NRG1: variants seen among roughly 807,000 people sequenced by gnomAD.
NRG1 encodes the protein pro-neuregulin-1, membrane-bound isoform.
In NRG1, 18 loss-of-function variants were observed where a neutral mutation model predicts 63.8. The observed-to-expected ratio is 0.28, with a 90% CI of 0.19 to 0.42. The LOEUF (loss-of-function observed/expected upper bound fraction) is 0.42. Among genes scored for constraint, NRG1 ranks in the 10% least tolerant of loss-of-function variants. The probability of loss-of-function intolerance (pLI) is 1.00; values close to 1 mark genes in which losing one functional copy is unlikely to be tolerated. For synonymous variants in NRG1, 302 were observed against 301.3 expected, an observed-to-expected ratio of 1.00 and a Z score of -0.02; for missense variants, 762 against 814.7, an observed-to-expected ratio of 0.94 and a Z score of 0.79.
At chr8:31,964,776 G>A (rs1019961353) in intron 1 of NRG1, among the ~76,000 whole-genome samples, 4 of 152,136 alleles carry the variant, frequency 2.6e-5, no homozygotes, top group Non-Finnish European at 5.9e-5. Context: ...TGCAAGCTAC[G>A]AGTTCGTTTT....
chr8:31,964,285 A>C lies in NRG1; in HGVS notation c.37+324854A>C, dbSNP rs16878575. On this transcript the variant is annotated intron_variant, in intron 1 of 10. Transcript: ENST00000519301. ...GGCTCCTATATCATAGAAGTCTAGGAAGATACAAGCAAGTGCTGTCATAGA... is the reference window on the plus strand; with the variant it reads ...GGCTCCTATATCATAGAAGTCTAGGCAGATACAAGCAAGTGCTGTCATAGA... Among the ~76,000 whole-genome samples the C allele has an allele frequency of 1.2e-3, 190 of 152,330 alleles. 1 individual carries two copies. The highest frequency in any genetic ancestry group is 4.1e-3 in the African/African-American group (172 of 41,580).
intron 11 of NRG1, 68 bp from the exon 12 acceptor site, chr8:32,763,680 C>A: frequency 7.0e-7 from 1 of 1,427,186 alleles, no homozygotes; most frequent in Non-Finnish European, 9.5e-7. Flanking sequence ...GAACTCTGTC[C>A]CCTTACCTTC....
At chr8:31,814,673 T>A (rs1010483241) in intron 1 of NRG1, among the ~76,000 whole-genome samples, 3 of 148,660 alleles carry the variant, frequency 2.0e-5, no homozygotes, top group African/African-American at 7.3e-5. Flanking sequence ...TTAAATAATT[T>A]AAAATTAAAT....
chr8:32,190,640 T>G (rs1994061), intron 1 of NRG1, among the ~76,000 whole-genome samples: 1 of 152,208 alleles, frequency 6.6e-6, no homozygotes, highest in Non-Finnish European at 1.5e-5. Flanking sequence ...ATGAGTACAG[T>G]CATTTATTAT....
At chr8:31,922,658 C>G (rs1163961365) in intron 1 of NRG1, among the ~76,000 whole-genome samples, 1 of 152,096 alleles carries the variant, frequency 6.6e-6, no homozygotes, top group Non-Finnish European at 1.5e-5. Context: ...TGCTTTTAGG[C>G]AGGTAGTTAA....
At chr8:31,710,648 A>G (rs1167290995) in intron 1 of NRG1, among the ~76,000 whole-genome samples, 1 of 152,070 alleles carries the variant, frequency 6.6e-6, no homozygotes, top group African/African-American at 2.4e-5. Flanking sequence ...AAATAAGACC[A>G]TCTACTTGGA....
At chr8:31,962,256 A>G (rs2129626243) in intron 1 of NRG1, among the ~76,000 whole-genome samples, 1 of 152,326 alleles carries the variant, frequency 6.6e-6, no homozygotes, top group South Asian at 2.1e-4. Context: ...CAATTTCCTC[A>G]GACAATTCAG....
chr8:32,193,515 G>T (rs1443980050), intron 1 of NRG1, among the ~76,000 whole-genome samples: 2 of 152,104 alleles, frequency 1.3e-5, no homozygotes, highest in African/African-American at 2.4e-5. Context: ...TTGACTTTAG[G>T]ATGCAACCGA....
intron 1 of NRG1, among the ~76,000 whole-genome samples, chr8:32,270,830 C>CT (rs1388738599): frequency 9.2e-5 from 14 of 151,590 alleles, no homozygotes; most frequent in Admixed American, 2.0e-4. Flanking sequence ...TGCTACAAGT[C>CT]TTTTTTTTTC....
intron 1 of NRG1, among the ~76,000 whole-genome samples, chr8:32,386,853 G>C (rs975960552): frequency 3.9e-5 from 6 of 152,126 alleles, no homozygotes; most frequent in Non-Finnish European, 7.3e-5. Flanking sequence ...CCAGCAAATA[G>C]TTATCTATTA....
At chr8:32,648,284 A>T (rs759369422) in intron 5 of NRG1, 2 of 1,613,918 alleles carry the variant, frequency 1.2e-6, no homozygotes, top group Admixed American at 1.7e-5. Flanking sequence ...CCACTGCGCC[A>T]TCCTTCCCTT....
At chr8:32,752,718 A>T (rs185143719) in intron 7 of NRG1, among the ~76,000 whole-genome samples, 68 of 152,086 alleles carry the variant, frequency 4.5e-4, no homozygotes, top group Non-Finnish European at 6.8e-4. Flanking sequence ...TCATTCTGTC[A>T]GTCTGTCTGT....
intron 1 of NRG1, among the ~76,000 whole-genome samples, chr8:31,954,050 C>T (rs1163543084): frequency 6.6e-6 from 1 of 152,002 alleles, no homozygotes; most frequent in Non-Finnish European, 1.5e-5. Context: ...ATATCTTTAA[C>T]CCAGAGAGGA....
intron 1 of NRG1, among the ~76,000 whole-genome samples, chr8:32,223,751 T>C (rs568803977): frequency 6.6e-6 from 1 of 152,096 alleles, no homozygotes; most frequent in African/African-American, 2.4e-5. Flanking sequence ...AAGGAAGCCT[T>C]GAGAGGAAAA....
chr8:32,592,703 G>T (rs1191168946), intron 1 of NRG1, among the ~76,000 whole-genome samples: 1 of 152,156 alleles, frequency 6.6e-6, no homozygotes, highest in Non-Finnish European at 1.5e-5. Context: ...AGTCTCCATA[G>T]ATTTATGCTC....
chr8:32,685,681 A>G (rs1260932253), intron 5 of NRG1, among the ~76,000 whole-genome samples: 2 of 152,244 alleles, frequency 1.3e-5, no homozygotes, highest in African/African-American at 4.8e-5. Flanking sequence ...AACACTAAAA[A>G]TCTTTGTGCT....
chr8:31,673,954 C>T lies in NRG1; in HGVS notation c.37+34523C>T, dbSNP rs552220457. Among the ~76,000 whole-genome samples the T allele has an allele frequency of 5.3e-5, 8 of 152,246 alleles. No individual in the cohort carries two copies. The South Asian group carries it at 1.7e-3, about 32-fold the overall frequency. On this transcript the variant is annotated intron_variant, in intron 1 of 10. Coordinates refer to the NRG1 transcript ENST00000519301. ...CCCCAAAAGAAATCAGGTAACTGTT[C>T]CCACTCCTAAATCCAGTCAATCAAT... is the stretch of plus-strand genomic sequence containing the variant.
At chr8:32,481,114 C>G (rs1034293350) in intron 1 of NRG1, among the ~76,000 whole-genome samples, 1 of 152,132 alleles carries the variant, frequency 6.6e-6, no homozygotes, top group Non-Finnish European at 1.5e-5. Context: ...GAGGCCAAGG[C>G]AGGCAGATTC....
At chr8:32,177,239 A>G (rs1301246618) in intron 1 of NRG1, among the ~76,000 whole-genome samples, 2 of 151,402 alleles carry the variant, frequency 1.3e-5, no homozygotes, top group Non-Finnish European at 2.9e-5. Context: ...CAAAGAACCA[A>G]ACACCACATG....
Sources: gnomAD v4.1 joint callset for allele counts (sites outside exome capture counted in the v4.1 genomes callset) on GRCh38, gnomAD v4.1.1 for gene constraint, MANE v1.5 for transcripts, NCBI Gene and HGNC (gene_info 2026-07-23, HGNC 2026-07-21) for gene names.